The following RBKS variants were observed in gnomAD, a reference collection of about 807,000 sequenced individuals.
The protein encoded by RBKS is ribokinase.
In RBKS, 33 loss-of-function variants were observed where a neutral mutation model predicts 33.9. The ratio of observed to expected loss-of-function variants is 0.97; its 90% CI spans 0.74 to 1.30. The LOEUF (loss-of-function observed/expected upper bound fraction) is 1.30. RBKS is among the 50% of genes most tolerant of loss of function. The pLI is 0.00. For synonymous variants in RBKS, 125 were observed against 143.0 expected, an observed-to-expected ratio of 0.87 and a Z score of 0.90; for missense variants, 361 against 392.6, an observed-to-expected ratio of 0.92 and a Z score of 0.68.
intron 7 of RBKS, among the ~76,000 whole-genome samples, chr2:27,786,881 G>C (rs1677415835): frequency 6.6e-6 from 1 of 152,188 alleles, no homozygotes; most frequent in Admixed American, 6.5e-5. Context: ...CCAAGGCCAG[G>C]GAAACACAGG....
At chr2:27,801,698 G>A (rs897472338) in intron 7 of RBKS, among the ~76,000 whole-genome samples, 9 of 151,938 alleles carry the variant, frequency 5.9e-5, no homozygotes, top group Non-Finnish European at 1.5e-5. Context: ...TCATGGTTTT[G>A]CAGGTGTACA....
At chr2:27,807,627 C>T (rs1281805995) in intron 7 of RBKS, among the ~76,000 whole-genome samples, 1 of 152,258 alleles carries the variant, frequency 6.6e-6, no homozygotes, top group East Asian at 1.9e-4. Context: ...TTGTCTTGGC[C>T]TCACAAAGTA....
At chr2:27,883,644 A>G (rs374078048) in intron 1 of RBKS, among the ~76,000 whole-genome samples, 1 of 152,210 alleles carries the variant, frequency 6.6e-6, no homozygotes, top group African/African-American at 2.4e-5. Flanking sequence ...CCTAAGGCAC[A>G]GAGAGCTGGC....
At chr2:27,801,992 ATTTTTTTTTTTTTT>A (rs1179237576) in intron 7 of RBKS, among the ~76,000 whole-genome samples, 3 of 42,696 alleles carry the variant, frequency 7.0e-5, no homozygotes, top group Admixed American at 3.9e-4. Flanking sequence ...ATATATATAT[ATTTTTTTTTTTTTT>A]TTTTTTTTTT....
intron 1 of RBKS, among the ~76,000 whole-genome samples, chr2:27,866,569 CTG>C (rs746892037): frequency 3.3e-5 from 5 of 152,138 alleles, no homozygotes; most frequent in African/African-American, 7.2e-5. Flanking sequence ...GTCACAGACA[CTG>C]TGCATTTTTT....
At chr2:27,800,512 C>CT (rs1465630962) in intron 7 of RBKS, among the ~76,000 whole-genome samples, 2 of 152,118 alleles carry the variant, frequency 1.3e-5, no homozygotes, top group Non-Finnish European at 2.9e-5. Context: ...TGTGAAAAGG[C>CT]TTAGCACAGT....
intron 1 of RBKS, among the ~76,000 whole-genome samples, chr2:27,886,161 T>C (rs1664523733): frequency 6.6e-6 from 1 of 152,228 alleles, no homozygotes; most frequent in Non-Finnish European, 1.5e-5. Flanking sequence ...TATGAGCTAA[T>C]GATTTTTAAA....
intron 1 of RBKS, among the ~76,000 whole-genome samples, chr2:27,860,483 C>T (rs982472059): frequency 2.6e-5 from 4 of 152,166 alleles, no homozygotes; most frequent in Non-Finnish European, 5.9e-5. Flanking sequence ...CTTATGATTT[C>T]CACTACATCT....
intron 7 of RBKS, among the ~76,000 whole-genome samples, chr2:27,808,785 A>G (rs1677937871): frequency 6.6e-6 from 1 of 152,178 alleles, no homozygotes; most frequent in Non-Finnish European, 1.5e-5. Flanking sequence ...ACTGTCTTGT[A>G]TTGCCAAATA....
intron 2 of RBKS, among the ~76,000 whole-genome samples, chr2:27,849,442 A>G (rs1042339748): frequency 6.6e-6 from 1 of 151,256 alleles, no homozygotes; most frequent in Non-Finnish European, 1.5e-5. Flanking sequence ...GCACGCCTGT[A>G]GTCCCAGTTA....
chr2:27,823,093 G>T (rs1431471643), intron 7 of RBKS, among the ~76,000 whole-genome samples: 1 of 152,132 alleles, frequency 6.6e-6, no homozygotes, highest in Non-Finnish European at 1.5e-5. Flanking sequence ...AATGCAAGCA[G>T]GCAAACCCCC....
intron 4 of RBKS, among the ~76,000 whole-genome samples, chr2:27,846,279 T>A (rs1318091877): frequency 6.6e-6 from 1 of 151,972 alleles, no homozygotes; most frequent in Non-Finnish European, 1.5e-5. Flanking sequence ...CTGTTTTAAT[T>A]CATTCATTCA....
At chr2:27,788,818 C>A (rs1177756545) in intron 7 of RBKS, among the ~76,000 whole-genome samples, 1 of 152,138 alleles carries the variant, frequency 6.6e-6, no homozygotes, top group Non-Finnish European at 1.5e-5. Flanking sequence ...TGTGTAAGAT[C>A]TATCCACTCT....
At chr2:27,819,223 T>C (rs1678152141) in intron 7 of RBKS, among the ~76,000 whole-genome samples, 1 of 152,082 alleles carries the variant, frequency 6.6e-6, no homozygotes, top group Non-Finnish European at 1.5e-5. Flanking sequence ...TGAGGCCTCT[T>C]CTCTTGGCTT....
chr2:27,831,878 G>A (rs1409657317), intron 6 of RBKS, among the ~76,000 whole-genome samples: 1 of 146,084 alleles, frequency 6.8e-6, no homozygotes, highest in African/African-American at 2.6e-5. Context: ...TGACACCACT[G>A]CATTCCAACC....
intron 7 of RBKS, among the ~76,000 whole-genome samples, chr2:27,817,882 T>C (rs1333255024): frequency 6.6e-6 from 1 of 152,128 alleles, no homozygotes; most frequent in Non-Finnish European, 1.5e-5. Context: ...AAGAATAGCA[T>C]GGCGAAAAGT....
chr2:27,844,447 C>G (rs868349712), intron 4 of RBKS, among the ~76,000 whole-genome samples: 3 of 152,032 alleles, frequency 2.0e-5, no homozygotes, highest in Admixed American at 6.6e-5. Flanking sequence ...GGCTGGAGTG[C>G]AGTCGTGCGA....
intron 7 of RBKS, among the ~76,000 whole-genome samples, chr2:27,818,070 C>T (rs907378334): frequency 1.3e-5 from 2 of 152,076 alleles, no homozygotes; most frequent in African/African-American, 2.4e-5. Flanking sequence ...ATATACAGAG[C>T]CAAGAGAATA....
intron 7 of RBKS, among the ~76,000 whole-genome samples, chr2:27,804,418 G>C (rs181055327): frequency 2.6e-5 from 4 of 152,124 alleles, no homozygotes; most frequent in African/African-American, 9.7e-5. Context: ...TATCTGCTTT[G>C]TCTCTAGAGA....
Sources: gnomAD v4.1 joint callset for allele counts (sites outside exome capture counted in the v4.1 genomes callset) on GRCh38, gnomAD v4.1.1 for gene constraint, MANE v1.5 for transcripts, NCBI Gene and HGNC (gene_info 2026-07-23, HGNC 2026-07-21) for gene names.